ARHGAP42: variants seen among roughly 807,000 people sequenced by gnomAD.
The protein encoded by ARHGAP42 is rho GTPase-activating protein 42.
In ARHGAP42, 63 loss-of-function variants were observed where a neutral mutation model predicts 125.0. That is an observed-to-expected ratio of 0.50 (90% CI 0.41 to 0.62). The LOEUF is 0.62. Ranked by LOEUF, ARHGAP42 falls within the 20% of genes least tolerant of loss-of-function variation. ARHGAP42 has a pLI of 0.00. For synonymous variants in ARHGAP42, 339 were observed against 351.0 expected, an observed-to-expected ratio of 0.97 and a Z score of 0.38; for missense variants, 766 against 1,024.2, an observed-to-expected ratio of 0.75 and a Z score of 3.44.
At chr11:100,693,401 T>G (rs1861223832) in intron 1 of ARHGAP42, among the ~76,000 whole-genome samples, 1 of 152,296 alleles carries the variant, frequency 6.6e-6, no homozygotes, top group Middle Eastern at 3.4e-3. Flanking sequence ...ATTAGGAATG[T>G]GGTGCTTTAA....
In ARHGAP42 at chr11:100,903,810, A is replaced by G. The variant is rs570506851; in HGVS notation, c.385-9642A>G. On this transcript the variant is annotated intron_variant, in intron 4 of 23. Transcript: ENST00000298815. Reference sequence around the variant, plus strand: ...ACTTACACGATCACAAGGTCCCACAATAGGCTGTCTGTAAGCTGAGGAGCA... The same window carrying G: ...ACTTACACGATCACAAGGTCCCACAGTAGGCTGTCTGTAAGCTGAGGAGCA... Among the ~76,000 whole-genome samples the G allele has an allele frequency of 1.4e-3, 208 of 145,032 alleles. 1 individual carries two copies. The highest frequency in any genetic ancestry group is 5.1e-3 in the African/African-American group (200 of 39,516).
At chr11:100,962,518 G>A in intron 16 of ARHGAP42, 51 bp downstream of exon 16, 1 of 1,422,454 alleles carries the variant, frequency 7.0e-7, no homozygotes, top group Non-Finnish European at 9.6e-7. Context: ...GTTTTATGCT[G>A]CCATACTTAG....
In ARHGAP42 at chr11:100,967,112, C is replaced by T. The variant is rs147154930; in HGVS notation, c.1550+1336C>T. ...ATCACCACAAATTTACTTATAAAAA[C>T]AGCAAACAGCTAATAACACTCTTGA... On this transcript the variant is annotated intron_variant, in intron 17 of 23. Coordinates refer to ENST00000298815, the MANE Select transcript of ARHGAP42 (RefSeq NM_152432.4). 3.7e-3 allele frequency among the ~76,000 whole-genome samples: 565 copies of T among 152,250 alleles called. 2 individuals are homozygous for T. The highest frequency in any genetic ancestry group is 0.013 in the African/African-American group (534 of 41,546).
At chr11:100,775,752 A>G (rs1034377313) in intron 2 of ARHGAP42, among the ~76,000 whole-genome samples, 3 of 152,170 alleles carry the variant, frequency 2.0e-5, no homozygotes, top group African/African-American at 7.2e-5. Flanking sequence ...TTTTAACCAC[A>G]CCAAAGCTGG....
intron 4 of ARHGAP42, among the ~76,000 whole-genome samples, chr11:100,899,218 G>A (rs193228160): frequency 1.3e-3 from 191 of 152,230 alleles, no homozygotes; most frequent in African/African-American, 4.5e-3. Flanking sequence ...AGTTTGTTGT[G>A]ATTTCTGTTC....
chr11:100,845,276 A>C (rs972411718), intron 3 of ARHGAP42, among the ~76,000 whole-genome samples: 1 of 152,026 alleles, frequency 6.6e-6, no homozygotes, highest in Non-Finnish European at 1.5e-5. Flanking sequence ...ATATAATCTC[A>C]CTCATAATTG....
At chr11:100,697,436 C>T (rs1021813429) in intron 1 of ARHGAP42, among the ~76,000 whole-genome samples, 1 of 152,200 alleles carries the variant, frequency 6.6e-6, no homozygotes, top group African/African-American at 2.4e-5. Flanking sequence ...CCCGCCTCGG[C>T]CTCCCAAAGT....
At chr11:100,970,885 T>C (rs1234068284) in intron 17 of ARHGAP42, among the ~76,000 whole-genome samples, 2 of 151,886 alleles carry the variant, frequency 1.3e-5, no homozygotes, top group Non-Finnish European at 2.9e-5. Flanking sequence ...GAGGCTGAAT[T>C]CCCAGTGAGT....
At chr11:100,850,356 A>G (rs2052862910) in intron 3 of ARHGAP42, among the ~76,000 whole-genome samples, 1 of 152,220 alleles carries the variant, frequency 6.6e-6, no homozygotes, top group Admixed American at 6.5e-5. Flanking sequence ...TGATTGTAAC[A>G]CAATGGTAAG....
rs1425434848 is a variant in ARHGAP42, at chr11:100,973,202, C to T, written c.1578C>T (p.Leu526=). 4 of 1,550,266 alleles carry T rather than the reference C, an allele frequency of 2.6e-6. No homozygotes were observed. The African/African-American group carries it at 4.1e-5, about 16-fold the overall frequency. ...TATCACTACACAGCCAACAAAATCT[C>T]ATGACTGTCTCAAATCTTGGTGTCA... ...VKVSLHSQQN[L]MTVSNLGVIF... is the part of the protein sequence containing the mutation. Residue 526 remains leucine (L), a synonymous_variant, in exon 18 of 24, where the codon CTC becomes CTT. Coordinates refer to ENST00000298815, the MANE Select transcript of ARHGAP42 (RefSeq NM_152432.4).
At chr11:100,817,957 C>G (rs1162984008) in intron 3 of ARHGAP42, among the ~76,000 whole-genome samples, 1 of 152,184 alleles carries the variant, frequency 6.6e-6, no homozygotes, top group Non-Finnish European at 1.5e-5. Flanking sequence ...TTTAGCTTGG[C>G]AAGTCAAGGA....
chr11:100,895,311 C>T (rs1213827503), intron 4 of ARHGAP42, among the ~76,000 whole-genome samples: 2 of 152,082 alleles, frequency 1.3e-5, no homozygotes, highest in Non-Finnish European at 1.5e-5. Flanking sequence ...ATTTCCCAAC[C>T]TCAGCACTAT....
At chr11:100,940,191 C>T (rs1022715666) in intron 8 of ARHGAP42, among the ~76,000 whole-genome samples, 2 of 152,052 alleles carry the variant, frequency 1.3e-5, no homozygotes, top group Non-Finnish European at 2.9e-5. Context: ...AACTCGATAC[C>T]GAGGGCATTA....
chr11:100,827,513 C>T (rs1173343429), intron 3 of ARHGAP42, among the ~76,000 whole-genome samples: 5 of 152,164 alleles, frequency 3.3e-5, no homozygotes, highest in Non-Finnish European at 7.3e-5. Context: ...TCCCAAGGGC[C>T]TGTTGGTGAA....
chr11:100,891,284 C>T (rs1480471734), intron 4 of ARHGAP42, among the ~76,000 whole-genome samples: 1 of 152,098 alleles, frequency 6.6e-6, no homozygotes, highest in Non-Finnish European at 1.5e-5. Flanking sequence ...CCTTGTCCCT[C>T]CTCCCTCTTC....
intron 4 of ARHGAP42, among the ~76,000 whole-genome samples, chr11:100,902,906 G>A (rs188630205): frequency 1.3e-5 from 2 of 152,196 alleles, no homozygotes; most frequent in African/African-American, 2.4e-5. Flanking sequence ...TGGGAATGAC[G>A]TGGAAGATAA....
At chr11:100,778,105 T>A (rs1282929181) in intron 2 of ARHGAP42, among the ~76,000 whole-genome samples, 1 of 151,866 alleles carries the variant, frequency 6.6e-6, no homozygotes, top group Admixed American at 6.6e-5. Context: ...GCCCAGAAGC[T>A]GAGGTTACAT....
At chr11:100,938,015 CTGA>C (rs1308854932) in intron 8 of ARHGAP42, among the ~76,000 whole-genome samples, 48 of 151,074 alleles carry the variant, frequency 3.2e-4, no homozygotes, top group Admixed American at 3.2e-3. Flanking sequence ...TCATTCTAGA[CTGA>C]TGATAAAGCC....
chr11:100,973,748 A>T (rs143516461), intron 18 of ARHGAP42, among the ~76,000 whole-genome samples: 130 of 152,304 alleles, frequency 8.5e-4, no homozygotes, highest in African/African-American at 2.5e-3. Flanking sequence ...CCTAAGAAGG[A>T]TTTCTTGAAA....
Sources: gnomAD v4.1 joint callset for allele counts (sites outside exome capture counted in the v4.1 genomes callset) on GRCh38, gnomAD v4.1.1 for gene constraint, MANE v1.5 for transcripts, NCBI Gene and HGNC (gene_info 2026-07-23, HGNC 2026-07-21) for gene names.